The following EIF4G3 variants were observed in gnomAD, a reference collection of about 807,000 sequenced individuals.
EIF4G3 encodes the protein eIF-4-gamma 3.
In EIF4G3, 34 loss-of-function variants were observed where a neutral mutation model predicts 186.4. The observed-to-expected ratio is 0.18, with a 90% CI of 0.14 to 0.24. The LOEUF (loss-of-function observed/expected upper bound fraction) is 0.24, where lower values mean the gene tolerates loss of function less well. Among genes scored for constraint, EIF4G3 ranks in the 10% least tolerant of loss-of-function variants. The probability of loss-of-function intolerance (pLI) is 1.00; values close to 1 mark genes in which losing one functional copy is unlikely to be tolerated. For synonymous variants in EIF4G3, 673 were observed against 679.5 expected (o/e 0.99, Z 0.15); for missense variants, 1,536 against 1,948.5 (o/e 0.79, Z 3.99).
intron 4 of EIF4G3, among the ~76,000 whole-genome samples, chr1:21,025,358 A>T (rs1045391831): frequency 6.6e-6 from 1 of 152,198 alleles, no homozygotes; most frequent in Admixed American, 6.5e-5. Flanking sequence ...CTTAGTGAAG[A>T]TACTGGTGTC....
At chr1:20,955,137 C>A (rs2096372665) in intron 12 of EIF4G3, among the ~76,000 whole-genome samples, 2 of 152,186 alleles carry the variant, frequency 1.3e-5, no homozygotes, top group African/African-American at 4.8e-5. Context: ...GCCTTACAGG[C>A]CAGACCAAGG....
intron 35 of EIF4G3, among the ~76,000 whole-genome samples, chr1:20,811,683 TA>T (rs569748140): frequency 5.3e-5 from 8 of 152,154 alleles, no homozygotes; most frequent in Admixed American, 2.0e-4. Flanking sequence ...TGTCTTACCA[TA>T]AAAAAAGGTA....
chr1:21,158,976 CA>C (rs916482009), intron 2 of EIF4G3, among the ~76,000 whole-genome samples: 1 of 142,142 alleles, frequency 7.0e-6, no homozygotes, highest in Admixed American at 7.1e-5. Flanking sequence ...ATTTGAGGCA[CA>C]AAAAAAAGGG....
chr1:21,087,016 A>G (rs189189241), intron 3 of EIF4G3, among the ~76,000 whole-genome samples: 1 of 152,056 alleles, frequency 6.6e-6, no homozygotes, highest in Non-Finnish European at 1.5e-5. Flanking sequence ...AACACTATGT[A>G]TATGTAACTC....
At chr1:21,053,454 C>A (rs1355979824) in intron 3 of EIF4G3, among the ~76,000 whole-genome samples, 1 of 141,662 alleles carries the variant, frequency 7.1e-6, no homozygotes. Context: ...CCGCCCCGTC[C>A]GGGAGGTGAG....
chr1:21,085,282 A>T (rs1246118876), intron 3 of EIF4G3, among the ~76,000 whole-genome samples: 1 of 152,160 alleles, frequency 6.6e-6, no homozygotes, highest in African/African-American at 2.4e-5. Context: ...ATTAGAAAAC[A>T]TTATCGTATT....
intron 4 of EIF4G3, among the ~76,000 whole-genome samples, chr1:21,037,586 C>G (rs1461752166): frequency 6.6e-6 from 1 of 152,142 alleles, no homozygotes; most frequent in Non-Finnish European, 1.5e-5. Flanking sequence ...ACCGTAAAAA[C>G]CTTCTGAGTA....
intron 2 of EIF4G3, among the ~76,000 whole-genome samples, chr1:21,091,287 G>C (rs1242600519): frequency 1.3e-5 from 2 of 151,994 alleles, no homozygotes; most frequent in Non-Finnish European, 2.9e-5. Flanking sequence ...AGCCTCCCAA[G>C]CAGCTGGGAC....
At chr1:21,032,782 A>T (rs1363221953) in intron 4 of EIF4G3, among the ~76,000 whole-genome samples, 2 of 152,156 alleles carry the variant, frequency 1.3e-5, no homozygotes, top group Admixed American at 6.5e-5. Context: ...ATAGCTTTTA[A>T]AAAAAACGGA....
rs61623629 is a variant in EIF4G3 at position 20,956,617 on chromosome 1, CAAAAAAAA to C, written c.715-6514_715-6507del. 7.0e-5 allele frequency among the ~76,000 whole-genome samples: 8 copies of C among 114,580 alleles called. 1 individual carries two copies. Among genetic ancestry groups the C allele is most frequent in the South Asian group, 2.9e-4 (1 of 3,460 alleles). 75.2% of individuals were successfully genotyped at this position (114,580 alleles called of 152,430 possible). On this transcript the variant is annotated intron_variant, in intron 12 of 36. Transcript: ENST00000602326. ...CTTAGGTAGACTACAGTATAATTTA[CAAAAAAAA>C]AAAAAAAAAAAACAAGGAGAGCACA...
chr1:20,883,926 G>C (rs1209766555), intron 19 of EIF4G3, among the ~76,000 whole-genome samples: 3 of 152,184 alleles, frequency 2.0e-5, no homozygotes, highest in Non-Finnish European at 4.4e-5. Flanking sequence ...TAGAAATGTT[G>C]TAATAGAGGA....
chr1:21,128,001 G>A (rs1473054691), intron 2 of EIF4G3, among the ~76,000 whole-genome samples: 1 of 151,492 alleles, frequency 6.6e-6, no homozygotes, highest in Non-Finnish European at 1.5e-5. Context: ...TCAGGAGATC[G>A]AGACCATCCT....
At chr1:20,893,049 G>A (rs1425683932) in intron 18 of EIF4G3, 3 of 259,544 alleles carry the variant, frequency 1.2e-5, no homozygotes, top group South Asian at 1.8e-4. Flanking sequence ...CTGGGACTAG[G>A]ACTATAAGCA....
intron 12 of EIF4G3, among the ~76,000 whole-genome samples, chr1:20,956,569 T>G (rs1313824752): frequency 7.7e-6 from 1 of 129,974 alleles, no homozygotes; most frequent in African/African-American, 3.0e-5. Flanking sequence ...TAAAGGTGAG[T>G]CCTAGGCTTA....
In EIF4G3 at chr1:21,040,274, G is replaced by A. The variant is rs535514849; in HGVS notation, c.-67+10592C>T. Reference sequence around the variant, plus strand: ...GAAGTCTCCAAAAAACCTAGGACACGGTTAAGTGAGCTTCTACGTAACCAA... The same window carrying A: ...GAAGTCTCCAAAAAACCTAGGACACAGTTAAGTGAGCTTCTACGTAACCAA... On this transcript the variant is annotated intron_variant, in intron 4 of 36. Transcript: ENST00000602326. Among the ~76,000 whole-genome samples, 5 of 152,284 alleles carry A rather than the reference G, an allele frequency of 3.3e-5. No individual in the cohort carries two copies. In the South Asian group the frequency reaches 6.2e-4, roughly 19 times the overall value.
chr1:21,134,910 C>A (rs930582016), intron 2 of EIF4G3, among the ~76,000 whole-genome samples: 2 of 151,784 alleles, frequency 1.3e-5, no homozygotes, highest in Non-Finnish European at 2.9e-5. Flanking sequence ...AGTTACCAAT[C>A]TCAGATATAT....
At chr1:21,027,193 A>ATTT (rs34372978) in intron 4 of EIF4G3, among the ~76,000 whole-genome samples, 13 of 132,260 alleles carry the variant, frequency 9.8e-5, no homozygotes, top group East Asian at 6.9e-4. Context: ...CACACATACA[A>ATTT]TTTTTTTTTT....
intron 25 of EIF4G3, among the ~76,000 whole-genome samples, chr1:20,856,878 T>G (rs2075063030): frequency 6.6e-6 from 1 of 152,092 alleles, no homozygotes; most frequent in Admixed American, 6.6e-5. Flanking sequence ...GAAGTAGAAA[T>G]GAGGCCGGGC....
chr1:21,127,793 A>AAAC (rs1383785963), intron 2 of EIF4G3, among the ~76,000 whole-genome samples: 1 of 152,230 alleles, frequency 6.6e-6, no homozygotes, highest in Non-Finnish European at 1.5e-5. Flanking sequence ...AACACAAGAA[A>AAAC]AACAGTATCT....
Sources: allele counts gnomAD v4.1 joint callset (sites outside exome capture counted in the v4.1 genomes callset), GRCh38; gene constraint gnomAD v4.1.1; transcripts MANE v1.5; gene names NCBI Gene and HGNC (gene_info 2026-07-23, HGNC 2026-07-21).